The following SNAPC3 variants were observed in gnomAD, a reference collection of about 807,000 sequenced individuals.
SNAPC3 encodes snRNA-activating protein complex subunit 3.
In SNAPC3, 56 loss-of-function variants were observed where a neutral mutation model predicts 47.7. That is an observed-to-expected ratio of 1.18 (90% CI 0.95 to 1.47). SNAPC3 has a LOEUF of 1.47. Ranked by LOEUF, SNAPC3 falls within the 40% of genes most tolerant of loss-of-function variation. The probability of loss-of-function intolerance (pLI) is 0.00; values close to 1 mark genes in which losing one functional copy is unlikely to be tolerated. For synonymous variants in SNAPC3, 235 were observed against 189.9 expected, an observed-to-expected ratio of 1.24 and a Z score of -1.95; for missense variants, 665 against 511.3, an observed-to-expected ratio of 1.30 and a Z score of -2.90.
rs532473786 is a variant in SNAPC3 at position 15,437,744 on chromosome 9, A to G, written c.477+4108A>G. ...AAATTCCACTTGGTTGTGGGATTCA[A>G]TAAAAATTGTAATCATAAAAAGTAC... On this transcript the variant is annotated intron_variant, in intron 3 of 8. Coordinates refer to ENST00000380821, the MANE Select transcript of SNAPC3 (RefSeq NM_001039697.2). Among the ~76,000 whole-genome samples the G allele has an allele frequency of 2.4e-3, 362 of 152,224 alleles. 2 individuals are homozygous for G. The highest frequency in any genetic ancestry group is 4.2e-3 in the Non-Finnish European group (287 of 68,016).
chr9:15,466,726 C>G, downstream of SNAPC3: 2 of 1,553,668 alleles, frequency 1.3e-6, no homozygotes, highest in East Asian at 4.5e-5. Context: ...ACACACAAGA[C>G]CCATTAAAAC....
chr9:15,445,634 C>T (rs200128233), intron 4 of SNAPC3, among the ~76,000 whole-genome samples: 2 of 64,402 alleles, frequency 3.1e-5, no homozygotes, highest in South Asian at 3.6e-4. Flanking sequence ...GTAGTTAATA[C>T]TAATCTTATT....
At chr9:15,465,672 C>G, downstream of SNAPC3, 1 of 1,050,264 alleles carries the variant, frequency 9.5e-7, no homozygotes, top group Admixed American at 2.6e-5. Flanking sequence ...TTTTTAAACC[C>G]ATGAAAAGAC....
chr9:15,435,371 C>A (rs368530366), intron 3 of SNAPC3, among the ~76,000 whole-genome samples: 13 of 152,140 alleles, frequency 8.5e-5, no homozygotes, highest in Non-Finnish European at 8.8e-5. Flanking sequence ...TCAGGAGTTC[C>A]AGACCAGCCT....
At chr9:15,444,790 G>A in intron 4 of SNAPC3, 84 bp downstream of exon 4, 1 of 725,926 alleles carries the variant, frequency 1.4e-6, no homozygotes, top group Non-Finnish European at 2.3e-6. Context: ...ATATTCCTAT[G>A]CTTACATTAA....
chr9:15,466,399 A>G (rs969064226), downstream of SNAPC3, among the ~76,000 whole-genome samples: 3 of 152,054 alleles, frequency 2.0e-5, no homozygotes, highest in African/African-American at 4.8e-5. Flanking sequence ...CAACAACAAC[A>G]AAACTGTGAT....
intron 7 of SNAPC3, among the ~76,000 whole-genome samples, chr9:15,454,779 C>T (rs917165419): frequency 1.3e-5 from 2 of 152,080 alleles, no homozygotes; most frequent in East Asian, 3.9e-4. Flanking sequence ...ACTAAAAATA[C>T]AAAAATTAGC....
intron 4 of SNAPC3, among the ~76,000 whole-genome samples, chr9:15,446,357 T>C (rs1217915901): frequency 6.6e-6 from 1 of 152,154 alleles, no homozygotes; most frequent in Admixed American, 6.5e-5. Flanking sequence ...CAAGCATGTA[T>C]CACAACGCCC....
At chr9:15,457,602 TAAAAA>T (rs968214313) in intron 7 of SNAPC3, among the ~76,000 whole-genome samples, 2 of 151,824 alleles carry the variant, frequency 1.3e-5, no homozygotes, top group African/African-American at 4.8e-5. Context: ...TTCAAATAAA[TAAAAA>T]TAAAAGGTAC....
At chr9:15,427,489 C>T (rs1444111659) in intron 2 of SNAPC3, among the ~76,000 whole-genome samples, 1 of 152,208 alleles carries the variant, frequency 6.6e-6, no homozygotes, top group Non-Finnish European at 1.5e-5. Context: ...GCTGGGATTA[C>T]TGGCGTGTGC....
chr9:15,436,832 T>C (rs907712425), intron 3 of SNAPC3, among the ~76,000 whole-genome samples: 1 of 150,438 alleles, frequency 6.6e-6, no homozygotes, highest in South Asian at 2.1e-4. Context: ...TTTTTTTTTT[T>C]TTTTTTTTGA....
intron 7 of SNAPC3, among the ~76,000 whole-genome samples, chr9:15,455,079 G>C (rs775312446): frequency 6.6e-6 from 1 of 152,194 alleles, no homozygotes; most frequent in Non-Finnish European, 1.5e-5. Context: ...TTAAATATCT[G>C]TTTAACCAAA....
intron 3 of SNAPC3, among the ~76,000 whole-genome samples, chr9:15,442,495 C>T (rs11999063): frequency 0.046 from 6,178 of 135,732 alleles, 418 homozygotes; most frequent in African/African-American, 0.15. Context: ...CTTCTCAGAC[C>T]GGGCGGCTGG....
At position 15,433,596 on chromosome 9, in the gene SNAPC3, T is replaced by C. The variant is rs1209167579; in HGVS notation, c.437T>C (p.Ile146Thr). ...GAACATCGGGAAGAAACCATTACAATAGATCGAGCCTGCAGACAAGAAACA... is the reference window on the plus strand; with the variant it reads ...GAACATCGGGAAGAAACCATTACAACAGATCGAGCCTGCAGACAAGAAACA... ...FLEHREETIT[I>T]DRACRQETFV... The change falls in exon 3 of 9, where the codon ATA (isoleucine) becomes ACA (threonine). Residue 146 changes from isoleucine to threonine, a missense_variant. Physicochemically the swap from Ile to Thr is moderately conservative, Grantham distance 89 (BLOSUM62 -1). Transcript: ENST00000380821. The C allele has an allele frequency of 1.2e-6, 2 of 1,610,224 alleles. No homozygotes were observed. Among genetic ancestry groups the C allele is most frequent in the Non-Finnish European group, 1.7e-6 (2 of 1,177,700 alleles).
intron 3 of SNAPC3, among the ~76,000 whole-genome samples, chr9:15,443,605 C>G (rs1302122620): frequency 6.6e-6 from 1 of 152,208 alleles, no homozygotes; most frequent in Non-Finnish European, 1.5e-5. Flanking sequence ...AGCATCTTGT[C>G]TGTAAGTCTT....
At chr9:15,457,005 T>TC (rs1381633661) in intron 7 of SNAPC3, among the ~76,000 whole-genome samples, 1 of 152,218 alleles carries the variant, frequency 6.6e-6, no homozygotes, top group Non-Finnish European at 1.5e-5. Flanking sequence ...CTTTCATCTT[T>TC]CAGAAGAATC....
At chr9:15,465,561 C>G, downstream of SNAPC3, 5 of 1,586,498 alleles carry the variant, frequency 3.2e-6, no homozygotes, top group Non-Finnish European at 4.3e-6. Flanking sequence ...ATTTCAGTCT[C>G]TCTCTCTTCA....
At chr9:15,455,709 T>C (rs2034730428) in intron 7 of SNAPC3, among the ~76,000 whole-genome samples, 1 of 151,878 alleles carries the variant, frequency 6.6e-6, no homozygotes. Context: ...TTTTCTTTTT[T>C]TTTTTTTGAG....
chr9:15,463,994 T>C (rs941703203), downstream of SNAPC3: 1 of 169,084 alleles, frequency 5.9e-6, no homozygotes, highest in Non-Finnish European at 1.3e-5. Flanking sequence ...TAAGAAATTA[T>C]TTCCTTGGCA....
Sources: allele counts gnomAD v4.1 joint callset (sites outside exome capture counted in the v4.1 genomes callset), GRCh38; gene constraint gnomAD v4.1.1; transcripts MANE v1.5; gene names NCBI Gene and HGNC (gene_info 2026-07-23, HGNC 2026-07-21).